The following GPHN variants were observed in gnomAD, a reference collection of about 807,000 sequenced individuals.
GPHN encodes the protein gephyrin.
GPHN carries 17 observed loss-of-function variants against 95.5 expected under a neutral mutation model. That is an observed-to-expected ratio of 0.18 (90% CI 0.12 to 0.27). The LOEUF (loss-of-function observed/expected upper bound fraction) is 0.27. Among genes scored for constraint, GPHN ranks in the 10% least tolerant of loss-of-function variants. GPHN has a pLI of 1.00. For synonymous variants in GPHN, 320 were observed against 322.5 expected (o/e 0.99, Z 0.08); for missense variants, 660 against 978.1 (o/e 0.67, Z 4.34).
At chr14:66,702,698 A>C (rs1595610193) in intron 2 of GPHN, among the ~76,000 whole-genome samples, 1 of 152,232 alleles carries the variant, frequency 6.6e-6, no homozygotes, top group Non-Finnish European at 1.5e-5. Context: ...TGAAGATGAG[A>C]AAGAATCAAT....
chr14:67,241,880 C>A, the GPHN span: 1 of 151,948 alleles, frequency 6.6e-6, no homozygotes, highest in African/African-American at 2.4e-5. Context: ...TCTCCGAGGT[C>A]GCGACGCGCG....
chr14:66,754,663 A>G (rs147020888), intron 2 of GPHN, among the ~76,000 whole-genome samples: 221 of 152,122 alleles, frequency 1.5e-3, no homozygotes, highest in Non-Finnish European at 2.2e-3. Flanking sequence ...TTTTCTTTCT[A>G]TAGTAATCTT....
the GPHN span, among the ~76,000 whole-genome samples, chr14:67,200,977 G>A: frequency 6.6e-6 from 1 of 152,144 alleles, no homozygotes; most frequent in East Asian, 1.9e-4. Context: ...CAAGATTCCT[G>A]ACTGAACAGG....
the GPHN span, chr14:67,336,265 CAA>C: frequency 3.4e-3 from 527 of 152,954 alleles, 2 homozygotes; most frequent in Non-Finnish European, 5.5e-3. Flanking sequence ...CACCAACAAA[CAA>C]AAAGTTTCTT....
At chr14:66,856,437 C>T (rs968722163) in intron 4 of GPHN, among the ~76,000 whole-genome samples, 4 of 152,052 alleles carry the variant, frequency 2.6e-5, no homozygotes, top group Admixed American at 2.6e-4. Context: ...CCATATCTGT[C>T]AGTTGATAAA....
At chr14:67,509,324 C>CT in the GPHN span, among the ~76,000 whole-genome samples, 21 of 149,742 alleles carry the variant, frequency 1.4e-4, no homozygotes, top group East Asian at 4.0e-4. Flanking sequence ...TCAACTCTCT[C>CT]TTTTTTTTTT....
At chr14:67,579,586 A>G in the GPHN span, 4 of 869,872 alleles carry the variant, frequency 4.6e-6, no homozygotes, top group Non-Finnish European at 7.0e-6. Flanking sequence ...GCCTGTGAAC[A>G]CAGAAACCAA....
intron 9 of GPHN, among the ~76,000 whole-genome samples, chr14:67,002,141 G>T (rs1457032554): frequency 6.6e-6 from 1 of 151,430 alleles, no homozygotes; most frequent in East Asian, 1.9e-4. Context: ...TCAAAAAACA[G>T]AAGTTTATTC....
At chr14:66,569,467 A>G (rs2060591044) in intron 1 of GPHN, among the ~76,000 whole-genome samples, 1 of 152,054 alleles carries the variant, frequency 6.6e-6, no homozygotes, top group East Asian at 1.9e-4. Flanking sequence ...GTTCGAGACC[A>G]GCCTGGCCAA....
chr14:67,658,159 G>A, the GPHN span, among the ~76,000 whole-genome samples: 1 of 152,092 alleles, frequency 6.6e-6, no homozygotes, highest in African/African-American at 2.4e-5. Context: ...AAGGAAAAAG[G>A]TTTTCAAAAT....
the GPHN span, chr14:67,380,652 T>C: frequency 6.8e-7 from 1 of 1,470,580 alleles, no homozygotes; most frequent in Non-Finnish European, 9.1e-7. Flanking sequence ...TTTATGTTTT[T>C]GACCAGAGAC....
At chr14:66,551,803 A>G (rs1430572579) in intron 1 of GPHN, among the ~76,000 whole-genome samples, 1 of 152,202 alleles carries the variant, frequency 6.6e-6, no homozygotes, top group East Asian at 1.9e-4. Context: ...GGTGCTACAC[A>G]GTTTTAAACA....
At chr14:66,810,048 G>T (rs2060697637) in intron 3 of GPHN, among the ~76,000 whole-genome samples, 1 of 151,930 alleles carries the variant, frequency 6.6e-6, no homozygotes, top group Non-Finnish European at 1.5e-5. Context: ...GCTGCCTATA[G>T]ATCAGTGTTA....
Position 66,696,889 on chromosome 14 carries a change from G to A in GPHN, c.143+15704G>A, listed in dbSNP as rs564725942. 1.4e-4 allele frequency among the ~76,000 whole-genome samples: 21 copies of A among 152,174 alleles called. No homozygotes were observed. The South Asian group carries it at 2.5e-3, about 18-fold the overall frequency. On this transcript the variant is annotated intron_variant, in intron 2 of 22. Coordinates refer to ENST00000478722, the MANE Select transcript of GPHN (RefSeq NM_020806.5). ...TGTATGTAGATTTGTGGTTTATCAC[G>A]TAAAATTAACCATAAAAGAGTAGTC...
At chr14:67,578,288 T>G in the GPHN span, 19 of 1,203,308 alleles carry the variant, frequency 1.6e-5, no homozygotes, top group Non-Finnish European at 2.2e-5. This position sits in a 1 kb window ranked among gnomAD's most constrained non-coding sequence, Gnocchi z 5.0. Context: ...TGGGCAGGTA[T>G]ACGGTGAGCC....
the GPHN span, among the ~76,000 whole-genome samples, chr14:67,507,559 C>T: frequency 6.6e-6 from 1 of 151,948 alleles, no homozygotes; most frequent in African/African-American, 2.4e-5. Context: ...AGTGATCCTC[C>T]CACCTCAGCC....
At chr14:66,522,705 A>G (rs550002220) in intron 1 of GPHN, among the ~76,000 whole-genome samples, 2 of 152,174 alleles carry the variant, frequency 1.3e-5, no homozygotes, top group South Asian at 4.1e-4. Flanking sequence ...TTTTTCTACA[A>G]TAATCTTTAT....
chr14:67,556,055 G>A, the GPHN span, among the ~76,000 whole-genome samples: 4 of 152,228 alleles, frequency 2.6e-5, no homozygotes, highest in African/African-American at 9.6e-5. Flanking sequence ...TCTGGGTAAA[G>A]ATCAGTGTAG....
At chr14:66,764,204 C>T (rs2058873069) in intron 2 of GPHN, among the ~76,000 whole-genome samples, 1 of 152,090 alleles carries the variant, frequency 6.6e-6, no homozygotes, top group African/African-American at 2.4e-5. Context: ...GTTCCTGGTG[C>T]CAAAAAGTTT....
Sources: allele counts gnomAD v4.1 joint callset (sites outside exome capture counted in the v4.1 genomes callset), GRCh38; gene constraint gnomAD v4.1.1; non-coding constraint Gnocchi (gnomAD v3.1); transcripts MANE v1.5; gene names NCBI Gene and HGNC (gene_info 2026-07-23, HGNC 2026-07-21).